Variants in SORCS1 observed in about 807,000 individuals in gnomAD.
The protein encoded by SORCS1 is sortilin related VPS10 domain containing receptor 1.
Under a neutral mutation model 146.1 loss-of-function variants are expected in SORCS1, and 60 were observed. That is an observed-to-expected ratio of 0.41 (90% CI 0.33 to 0.51). SORCS1 has a LOEUF of 0.51. Among genes scored for constraint, SORCS1 ranks in the 20% least tolerant of loss-of-function variants. SORCS1 has a pLI of 0.21. For missense variants in SORCS1, 1,352 were observed against 1,487.6 expected (o/e 0.91, Z 1.50); for synonymous variants, 637 against 584.0 (o/e 1.09, Z -1.31).
chr10:106,600,672 A>AAC (rs1394215083), intron 23 of SORCS1: 1 of 985,460 alleles, frequency 1.0e-6, no homozygotes, highest in East Asian at 1.1e-4. Flanking sequence ...TTTCTAGCAG[A>AAC]ACACATCTTA....
intron 2 of SORCS1, among the ~76,000 whole-genome samples, chr10:106,908,427 G>A (rs569091820): frequency 6.6e-6 from 1 of 152,252 alleles, no homozygotes; most frequent in African/African-American, 2.4e-5. Flanking sequence ...TAGTTTCCAG[G>A]AGCCCTCCGC....
At chr10:106,670,843 G>A (rs61868381) in intron 16 of SORCS1, among the ~76,000 whole-genome samples, 22,775 of 151,736 alleles carry the variant, frequency 0.15, 2,320 homozygotes, top group Non-Finnish European at 0.22. Flanking sequence ...ACAGGTGTCC[G>A]CCACTATGCC....
chr10:106,825,462 C>A (rs1324656780), intron 3 of SORCS1, among the ~76,000 whole-genome samples: 1 of 151,770 alleles, frequency 6.6e-6, no homozygotes, highest in Non-Finnish European at 1.5e-5. Context: ...TTAGTAGAGA[C>A]GGGGTTTCAC....
At chr10:106,999,439 A>G (rs1269467816) in intron 1 of SORCS1, among the ~76,000 whole-genome samples, 1 of 152,246 alleles carries the variant, frequency 6.6e-6, no homozygotes, top group Non-Finnish European at 1.5e-5. Context: ...CACATCAAAA[A>G]GTGAAGATGC....
chr10:106,825,269 C>CTTTT (rs35830829), intron 3 of SORCS1, among the ~76,000 whole-genome samples: 9 of 119,178 alleles, frequency 7.6e-5, no homozygotes, highest in Non-Finnish European at 1.5e-4. Context: ...GAGATTTCAA[C>CTTTT]TTTTTTTTTT....
At chr10:106,633,772 G>A (rs1189697924) in intron 18 of SORCS1, among the ~76,000 whole-genome samples, 3 of 152,138 alleles carry the variant, frequency 2.0e-5, no homozygotes, top group African/African-American at 7.2e-5. Context: ...GTGATTCTGG[G>A]CCTTTGATAT....
chr10:106,888,266 C>A (rs549310214), intron 2 of SORCS1, among the ~76,000 whole-genome samples: 1 of 152,294 alleles, frequency 6.6e-6, no homozygotes, highest in East Asian at 1.9e-4. Context: ...GGCCTTCTAA[C>A]TTCATAGTCT....
intron 2 of SORCS1, among the ~76,000 whole-genome samples, chr10:106,908,803 G>A (rs1016434423): frequency 3.9e-5 from 6 of 152,342 alleles, no homozygotes; most frequent in Non-Finnish European, 7.3e-5. Context: ...CCTCTGAGCA[G>A]TTCATTGGTG....
chr10:107,132,121 TTCTC>T (rs1036078377), intron 1 of SORCS1, among the ~76,000 whole-genome samples: 1 of 151,882 alleles, frequency 6.6e-6, no homozygotes, highest in African/African-American at 2.4e-5. Flanking sequence ...ACAGGTCAAT[TTCTC>T]TCTCTCTCAC....
At chr10:106,680,684 G>T (rs933447941) in intron 10 of SORCS1, among the ~76,000 whole-genome samples, 44 of 152,230 alleles carry the variant, frequency 2.9e-4, no homozygotes, top group African/African-American at 9.9e-4. Context: ...TTCTTGTACT[G>T]AGTTGTCAAA....
intron 15 of SORCS1, 92 bp from the exon 16 acceptor site, chr10:106,671,459 C>T (rs1851597187): frequency 6.5e-7 from 1 of 1,542,838 alleles, no homozygotes; most frequent in African/African-American, 1.4e-5. Context: ...ATTTGCACAT[C>T]TTAGTGTAAT....
chr10:106,635,131 T>G (rs1848656118), intron 18 of SORCS1, among the ~76,000 whole-genome samples: 1 of 152,212 alleles, frequency 6.6e-6, no homozygotes. Flanking sequence ...ATGAAAGGTG[T>G]GTGAACCTAT....
chr10:106,702,006 C>G (rs1854172679), intron 8 of SORCS1, among the ~76,000 whole-genome samples: 1 of 152,176 alleles, frequency 6.6e-6, no homozygotes, highest in South Asian at 2.1e-4. Flanking sequence ...CGCAAATACT[C>G]AAGTCCTAAC....
chr10:106,760,089 G>C (rs1397694770), intron 5 of SORCS1, among the ~76,000 whole-genome samples: 1 of 152,102 alleles, frequency 6.6e-6, no homozygotes, highest in Non-Finnish European at 1.5e-5. Context: ...CCTTTAAGAA[G>C]TGATTAGGTT....
intron 1 of SORCS1, among the ~76,000 whole-genome samples, chr10:107,068,402 C>T (rs1189773820): frequency 6.6e-6 from 1 of 152,192 alleles, no homozygotes; most frequent in East Asian, 1.9e-4. Flanking sequence ...TGAAGTCACA[C>T]ATGCCTTATA....
intron 1 of SORCS1, among the ~76,000 whole-genome samples, chr10:107,059,038 T>C (rs757781321): frequency 7.2e-5 from 11 of 152,224 alleles, no homozygotes; most frequent in Non-Finnish European, 1.3e-4. Flanking sequence ...CATCTTGTGA[T>C]GGAAAACCAA....
chr10:106,644,726 T>C (rs1849297907), intron 18 of SORCS1, among the ~76,000 whole-genome samples: 1 of 152,204 alleles, frequency 6.6e-6, no homozygotes, highest in African/African-American at 2.4e-5. Context: ...TAATGCAACA[T>C]ATATTCTTTT....
rs556853104 is a variant in SORCS1, at chr10:107,065,857, C to T, written c.558+98112G>A. On this transcript the variant is annotated intron_variant, in intron 1 of 25. Coordinates refer to ENST00000263054, the MANE Select transcript of SORCS1 (RefSeq NM_052918.5). ...TCATCCATAATCCCATTTAATCCTG[C>T]CAGAAATGCTAAGGATGAGTACTAT... Among the ~76,000 whole-genome samples, 4 of 152,064 alleles carry T rather than the reference C, an allele frequency of 2.6e-5. No homozygotes were observed. The East Asian group carries it at 7.7e-4, about 29-fold the overall frequency.
chr10:107,115,899 T>C (rs1966009340), intron 1 of SORCS1, among the ~76,000 whole-genome samples: 1 of 151,910 alleles, frequency 6.6e-6, no homozygotes, highest in African/African-American at 2.4e-5. Context: ...TACAACTCAA[T>C]AGCAAAAAAG....
Sources: allele counts gnomAD v4.1 joint callset (sites outside exome capture counted in the v4.1 genomes callset), GRCh38; gene constraint gnomAD v4.1.1; transcripts MANE v1.5; gene names NCBI Gene and HGNC (gene_info 2026-07-23, HGNC 2026-07-21).